SYTL3: variants seen among roughly 807,000 people sequenced by gnomAD.
SYTL3 encodes the protein synaptotagmin-like protein 3.
Under a neutral mutation model 82.1 loss-of-function variants are expected in SYTL3, and 88 were observed. The observed-to-expected ratio is 1.07, with a 90% CI of 0.90 to 1.28. SYTL3 has a LOEUF of 1.28. Among genes scored for constraint, SYTL3 ranks in the 50% most tolerant of loss-of-function variants. SYTL3 has a pLI of 0.00. For missense variants in SYTL3, 831 were observed against 757.6 expected (o/e 1.10, Z -1.14); for synonymous variants, 311 against 289.4 (o/e 1.07, Z -0.76).
At chr6:158,755,043 G>A (rs1217037031) in intron 13 of SYTL3, among the ~76,000 whole-genome samples, 1 of 152,130 alleles carries the variant, frequency 6.6e-6, no homozygotes, top group Non-Finnish European at 1.5e-5. Flanking sequence ...GTGGGGCAGA[G>A]TCGGAAATGG....
In SYTL3 at chr6:158,764,714, C is replaced by CA; in HGVS notation, c.*111dup. ...AGCTGGAGACCCCTTTGACCTTGAGCAGTCTCCATCTGCGGCCCTGTCCCA... is the reference window on the plus strand; with the variant it reads ...AGCTGGAGACCCCTTTGACCTTGAGCAAGTCTCCATCTGCGGCCCTGTCCCA... On this transcript the variant is annotated 3_prime_UTR_variant, in exon 18 of 18. Coordinates refer to ENST00000611299, the MANE Select transcript of SYTL3 (RefSeq NM_001242394.2). 1.4e-6 allele frequency: 1 copy of CA among 723,074 alleles called. No individual in the cohort carries two copies. Among genetic ancestry groups the CA allele is most frequent in the Non-Finnish European group, 2.5e-6 (1 of 408,038 alleles). The allele number at this position is 723,074 out of a possible 1,614,324, so 44.8% of individuals were successfully genotyped here.
At chr6:158,702,881 A>G (rs1235655938) in intron 6 of SYTL3, among the ~76,000 whole-genome samples, 2 of 151,856 alleles carry the variant, frequency 1.3e-5, no homozygotes, top group Non-Finnish European at 2.9e-5. Context: ...GGGGCCTGGC[A>G]CAGTGGCTCA....
intron 10 of SYTL3, among the ~76,000 whole-genome samples, chr6:158,722,033 AT>A (rs1371050498): frequency 4.6e-5 from 7 of 152,156 alleles, no homozygotes; most frequent in African/African-American, 1.7e-4. Context: ...GATTATTAAT[AT>A]TTCATCAATA....
intron 9 of SYTL3, among the ~76,000 whole-genome samples, chr6:158,715,599 T>TCACACACACACACACACA (rs72372107): frequency 0.019 from 2,267 of 116,456 alleles, 58 homozygotes; most frequent in Middle Eastern, 0.024. Flanking sequence ...TGAAACCGCA[T>TCACACACACACACACACA]CACACACACA....
rs774200539 is a variant in SYTL3 at position 158,762,063 on chromosome 6, G to C, written c.1415-13G>C. 1 of 1,602,108 alleles carries C rather than the reference G, an allele frequency of 6.2e-7. No individual in the cohort carries two copies. Among genetic ancestry groups the C allele is most frequent in the Non-Finnish European group, 8.5e-7 (1 of 1,169,944 alleles). ...AGACATGGTTTGACAGTGAATACTGGCTTTCCTTCCAGGGACAGATCAGCC... is the reference window on the plus strand; with the variant it reads ...AGACATGGTTTGACAGTGAATACTGCCTTTCCTTCCAGGGACAGATCAGCC... On this transcript the variant is annotated splice_polypyrimidine_tract_variant and intron_variant, in intron 15 of 17. Transcript: ENST00000611299.
intron 6 of SYTL3, among the ~76,000 whole-genome samples, chr6:158,703,640 A>T (rs1781582412): frequency 1.3e-5 from 2 of 152,008 alleles, no homozygotes; most frequent in African/African-American, 4.8e-5. Context: ...ATCTTGCTCC[A>T]ATGGGATTGG....
chr6:158,760,521 C>A, intron 14 of SYTL3, 119 bp from the exon 15 acceptor site: 1 of 806,112 alleles, frequency 1.2e-6, no homozygotes, highest in Non-Finnish European at 2.1e-6. Flanking sequence ...CTGCTCCACC[C>A]AGGGCCTTGC....
intron 9 of SYTL3, 56 bp from the exon 10 acceptor site, chr6:158,718,031 C>G: frequency 1.7e-5 from 24 of 1,444,238 alleles, no homozygotes; most frequent in Non-Finnish European, 2.2e-5. Context: ...GAGGCTCCCA[C>G]AAGTCTCAGC....
intron 10 of SYTL3, among the ~76,000 whole-genome samples, chr6:158,724,980 A>G (rs1434525806): frequency 6.6e-6 from 1 of 152,218 alleles, no homozygotes; most frequent in Non-Finnish European, 1.5e-5. Flanking sequence ...GTGCCACTGC[A>G]CTGCAGCCTC....
At chr6:158,745,867 C>G (rs1787573171) in intron 12 of SYTL3, among the ~76,000 whole-genome samples, 1 of 152,086 alleles carries the variant, frequency 6.6e-6, no homozygotes, top group Admixed American at 6.6e-5. Context: ...AATCAAAAGT[C>G]CAGATACAGA....
intron 4 of SYTL3, chr6:158,663,589 C>A: frequency 3.0e-6 from 3 of 985,144 alleles, no homozygotes; most frequent in Non-Finnish European, 2.4e-6. Flanking sequence ...GGAGGGAGGC[C>A]GCTCTTGTTA....
chr6:158,717,617 A>G (rs1205210637), intron 9 of SYTL3, among the ~76,000 whole-genome samples: 7 of 152,176 alleles, frequency 4.6e-5, no homozygotes, highest in Non-Finnish European at 8.8e-5. Flanking sequence ...GTTTATTATA[A>G]TTGTTATGAG....
intron 5 of SYTL3, among the ~76,000 whole-genome samples, chr6:158,672,559 T>TC (rs1777519473): frequency 1.3e-5 from 2 of 150,120 alleles, no homozygotes; most frequent in Admixed American, 6.6e-5. Context: ...TTTGTTTCTT[T>TC]TTTTTTTTTT....
intron 6 of SYTL3, among the ~76,000 whole-genome samples, chr6:158,706,631 A>G (rs2128453424): frequency 6.6e-6 from 1 of 152,262 alleles, no homozygotes; most frequent in South Asian, 2.1e-4. Context: ...TGGCCAGGGA[A>G]CACTGTGTTC....
At chr6:158,697,006 A>G (rs967278745) in intron 6 of SYTL3, among the ~76,000 whole-genome samples, 2 of 151,744 alleles carry the variant, frequency 1.3e-5, no homozygotes, top group Admixed American at 6.6e-5. Flanking sequence ...TTCTTAGCCA[A>G]CTTTTTTCTT....
At chr6:158,705,503 C>T (rs114337177) in intron 6 of SYTL3, among the ~76,000 whole-genome samples, 9,266 of 111,886 alleles carry the variant, frequency 0.083, 699 homozygotes, top group African/African-American at 0.21. Flanking sequence ...TATAAGGCCA[C>T]GTAGGACAGG....
intron 11 of SYTL3, among the ~76,000 whole-genome samples, chr6:158,744,000 C>A (rs1787267514): frequency 6.6e-6 from 1 of 151,788 alleles, no homozygotes; most frequent in African/African-American, 2.4e-5. Flanking sequence ...TTCACTGCAA[C>A]CTCTGCCTCC....
At chr6:158,663,547 A>G (rs1789624684) in intron 4 of SYTL3, 169 bp downstream of exon 4, 4 of 985,174 alleles carry the variant, frequency 4.1e-6, no homozygotes, top group Non-Finnish European at 4.8e-6. Flanking sequence ...GATCCTCCTT[A>G]TGTAACTAAA....
chr6:158,654,254 C>T (rs1428268572), intron 2 of SYTL3, among the ~76,000 whole-genome samples: 1 of 152,202 alleles, frequency 6.6e-6, no homozygotes, highest in Non-Finnish European at 1.5e-5. Flanking sequence ...AGTTATTTGT[C>T]TGTGTGTCCA....
Sources: gnomAD v4.1 joint callset for allele counts (sites outside exome capture counted in the v4.1 genomes callset) on GRCh38, gnomAD v4.1.1 for gene constraint, MANE v1.5 for transcripts, NCBI Gene and HGNC (gene_info 2026-07-23, HGNC 2026-07-21) for gene names.